The following DIP2A variants were observed in gnomAD, a reference collection of about 807,000 sequenced individuals.
The protein encoded by DIP2A is disco-interacting protein 2 homolog A.
Under a neutral mutation model 177.4 loss-of-function variants are expected in DIP2A, and 85 were observed. The ratio of observed to expected loss-of-function variants is 0.48; its 90% confidence interval spans 0.40 to 0.57. The LOEUF is 0.57. Among genes scored for constraint, DIP2A ranks in the 20% least tolerant of loss-of-function variants. The pLI is 0.00. For synonymous variants in DIP2A, 886 were observed against 881.8 expected (o/e 1.00, Z -0.08); for missense variants, 1,791 against 2,100.2 (o/e 0.85, Z 2.88).
Position 46,473,933 on chromosome 21 carries a change from CT to C in DIP2A, c.92-10823del, listed in dbSNP as rs577391626. Among the ~76,000 whole-genome samples the C allele has an allele frequency of 8.5e-5, 13 of 152,318 alleles. No individual in the cohort carries two copies. In the East Asian group the frequency reaches 2.3e-3, roughly 27 times the overall value. Reference sequence around the variant, plus strand: ...AACATTTCTGCATAATCTCTTTTGTCTCTTTCTGTCTCCCTCTTTGATTTAG... The same window carrying C: ...AACATTTCTGCATAATCTCTTTTGTCCTTTCTGTCTCCCTCTTTGATTTAG... On this transcript the variant is annotated intron_variant, in intron 1 of 37. Coordinates refer to ENST00000417564, the MANE Select transcript of DIP2A (RefSeq NM_015151.4).
intron 8 of DIP2A, among the ~76,000 whole-genome samples, chr21:46,514,628 TTTTTTTTTTTTTG>T (rs1249258147): frequency 2.1e-5 from 3 of 139,976 alleles, no homozygotes; most frequent in Non-Finnish European, 3.1e-5. Context: ...TTTTTTTTTT[TTTTTTTTTTTTTG>T]GTTTTTTTTT....
At chr21:46,473,247 A>G (rs193227955) in intron 1 of DIP2A, among the ~76,000 whole-genome samples, 83 of 152,206 alleles carry the variant, frequency 5.5e-4, no homozygotes, top group African/African-American at 1.8e-3. Context: ...ATTAAAGGCT[A>G]TGGGGCAGGA....
rs745491024 is a variant in DIP2A, at chr21:46,549,747, CCATTTCCATGT to C, written c.2523-22_2523-12del. On this transcript the variant is annotated splice_polypyrimidine_tract_variant and intron_variant, in intron 21 of 37. Coordinates refer to ENST00000417564, the MANE Select transcript of DIP2A (RefSeq NM_015151.4). Reference sequence around the variant, plus strand: ...TCTTGTTTGGCCTCTTGCCGTGTGGCCATTTCCATGTCTCATCCCGCAGGATCGCTGTGTTC... The same window carrying C: ...TCTTGTTTGGCCTCTTGCCGTGTGGCCTCATCCCGCAGGATCGCTGTGTTC... 1 of 1,612,116 alleles carries C rather than the reference CCATTTCCATGT, an allele frequency of 6.2e-7. No individual in the cohort carries two copies. Among genetic ancestry groups the C allele is most frequent in the Non-Finnish European group, 8.5e-7 (1 of 1,179,128 alleles).
chr21:46,504,431 G>A lies in DIP2A; in HGVS notation c.726G>A (p.Val242=). 6.2e-7 allele frequency: 1 copy of A among 1,613,816 alleles called. No homozygotes were observed. Among genetic ancestry groups the A allele is most frequent in the Non-Finnish European group, 8.5e-7 (1 of 1,179,832 alleles). The part of the protein sequence containing the change: ...VEHSYFERPQ[V]ASVRSVPRGC... ...ATTCGTACTTTGAGCGTCCACAGGT[G>A]GCTTCTGTGAGAAGTGTTCCTCGGG... Residue 242 remains valine, a synonymous_variant, in exon 6 of 38, where the codon GTG becomes GTA. Transcript: ENST00000417564.
chr21:46,466,771 A>C (rs2054871077), intron 1 of DIP2A, among the ~76,000 whole-genome samples: 1 of 141,130 alleles, frequency 7.1e-6, no homozygotes, highest in African/African-American at 2.6e-5. Context: ...TGTCTCTCTG[A>C]AAAAGGATTT....
At chr21:46,530,856 G>A (rs1173695519) in intron 9 of DIP2A, among the ~76,000 whole-genome samples, 1 of 152,070 alleles carries the variant, frequency 6.6e-6, no homozygotes, top group Non-Finnish European at 1.5e-5. Context: ...CAATGACAGT[G>A]GCTTTTGGGA....
chr21:46,556,924 T>C lies in DIP2A; in HGVS notation c.3499-15T>C. On this transcript the variant is annotated splice_polypyrimidine_tract_variant and intron_variant, in intron 29 of 37. Transcript: ENST00000417564. The surrounding 1 kb of genome is among the most constrained non-coding windows in gnomAD (Gnocchi z 4.5). ...CATTTCACTTTTTTTTTTTGAACTTTATTTTACTCTTAAGATGTCGCACGC... is the reference window on the plus strand; with the variant it reads ...CATTTCACTTTTTTTTTTTGAACTTCATTTTACTCTTAAGATGTCGCACGC... 1 of 1,527,050 alleles carries C rather than the reference T, an allele frequency of 6.5e-7. No individual in the cohort carries two copies. The highest frequency in any genetic ancestry group is 1.2e-5 in the South Asian group (1 of 83,480). 94.6% of individuals were successfully genotyped at this position (1,527,050 alleles called of 1,614,324 possible).
At chr21:46,499,414 C>A (rs1319728016) in intron 5 of DIP2A, among the ~76,000 whole-genome samples, 1 of 152,190 alleles carries the variant, frequency 6.6e-6, no homozygotes, top group Non-Finnish European at 1.5e-5. Flanking sequence ...CTGGCCGCCT[C>A]TCTGTTGTCT....
chr21:46,539,020 G>A (rs1017308695), intron 16 of DIP2A: 3 of 148,186 alleles, frequency 2.0e-5, no homozygotes, highest in African/African-American at 6.3e-5. Context: ...TTGCCTGGGT[G>A]TCCCCCACAT....
chr21:46,488,416 T>G (rs1455395481), intron 2 of DIP2A, among the ~76,000 whole-genome samples: 3 of 152,102 alleles, frequency 2.0e-5, no homozygotes, highest in South Asian at 2.1e-4. Flanking sequence ...TGAGAACATT[T>G]CAGAATGACT....
chr21:46,501,646 C>G (rs1376149023), intron 5 of DIP2A, among the ~76,000 whole-genome samples: 1 of 152,160 alleles, frequency 6.6e-6, no homozygotes, highest in Admixed American at 6.5e-5. Context: ...TGGGCTTGAA[C>G]TCCTGGGCTC....
At position 46,549,668 on chromosome 21, in the gene DIP2A, T is replaced by C. The variant is rs796554055; in HGVS notation, c.2523-103T>C. The C allele has an allele frequency of 3.1e-5, 47 of 1,533,580 alleles. No individual in the cohort carries two copies. The African/African-American group carries it at 6.1e-4, about 20-fold the overall frequency. 95.0% of individuals were successfully genotyped at this position (1,533,580 alleles called of 1,614,324 possible). On this transcript the variant is annotated intron_variant, in intron 21 of 37. Transcript: ENST00000417564. Reference sequence around the variant, plus strand: ...GTAGCCCCATTTGATAGACTGCATTTTAAATACTAGGACAGTCTGCCTCTT... The same window carrying C: ...GTAGCCCCATTTGATAGACTGCATTCTAAATACTAGGACAGTCTGCCTCTT...
rs753834055 is a variant in DIP2A, at chr21:46,498,675, G to A, written c.497G>A (p.Trp166Ter). Residue 166 changes from tryptophan to a stop codon, truncating the protein, a stop_gained, in exon 5 of 38, where the codon TGG becomes TAG. Transcript: ENST00000417564. LOFTEE classifies it high-confidence loss of function. The surrounding 1 kb of genome is among the most constrained non-coding windows in gnomAD (Gnocchi z 4.3). ...CAGAGCCATTCCAGCGTCGAGCCCT[G>A]GCTCGACCGGGTCATTCAGGGCTCG... ...PLQSHSSVEPWLDRVIQGSST... is the reference protein window; with the variant it reads ...PLQSHSSVEP The A allele has an allele frequency of 6.2e-7, 1 of 1,613,680 alleles. No individual in the cohort carries two copies. The highest frequency in any genetic ancestry group is 1.3e-5 in the African/African-American group (1 of 74,912).
At chr21:46,554,787 C>T in intron 27 of DIP2A, 35 bp from the exon 28 acceptor site, 2 of 486,602 alleles carry the variant, frequency 4.1e-6, no homozygotes, top group Non-Finnish European at 7.8e-6. Context: ...GCTTGAGAGG[C>T]CCCGCCCACC....
At chr21:46,465,578 G>T (rs955333445) in intron 1 of DIP2A, among the ~76,000 whole-genome samples, 2 of 152,042 alleles carry the variant, frequency 1.3e-5, no homozygotes, top group Non-Finnish European at 2.9e-5. Flanking sequence ...TGTACTGATG[G>T]TCCAAAAGCA....
At chr21:46,561,681 T>A (rs772560660) in intron 33 of DIP2A, 67 bp from the exon 34 acceptor site, 1 of 1,578,756 alleles carries the variant, frequency 6.3e-7, no homozygotes, top group Non-Finnish European at 8.7e-7. Flanking sequence ...AACGTCATGA[T>A]CTGCCCTTTC....
intron 6 of DIP2A, among the ~76,000 whole-genome samples, chr21:46,506,039 C>T (rs1362862369): frequency 2.0e-5 from 3 of 152,142 alleles, no homozygotes; most frequent in Non-Finnish European, 2.9e-5. Flanking sequence ...ATCTTGTATA[C>T]GTTTTTGCAT....
rs931922399 is a variant in DIP2A at position 46,551,689 on chromosome 21, T to C, written c.2895T>C (p.Ala965=). 22 of 1,613,896 alleles carry C rather than the reference T, an allele frequency of 1.4e-5. No homozygotes were observed. The Admixed American group carries it at 2.5e-4, about 18-fold the overall frequency. ...ACCTGGTTGCTGGGAAGAGAATCGC[T>C]CAGGCTTCCGGGAGAGAGCTCGCCC... ...VGNLVAGKRI[A]QASGRELAHL... is the part of the protein sequence containing the mutation. Residue 965 remains alanine (A), a synonymous_variant, in exon 24 of 38, where the codon GCT becomes GCC. Coordinates refer to ENST00000417564, the MANE Select transcript of DIP2A (RefSeq NM_015151.4).
the DIP2A span, among the ~76,000 whole-genome samples, chr21:46,582,495 G>GA: frequency 3.9e-5 from 6 of 152,126 alleles, no homozygotes; most frequent in South Asian, 2.1e-4. Flanking sequence ...CAGATCTGTG[G>GA]AAAAAACATG....
Sources: allele counts gnomAD v4.1 joint callset (sites outside exome capture counted in the v4.1 genomes callset), GRCh38; gene constraint gnomAD v4.1.1; non-coding constraint Gnocchi (gnomAD v3.1); transcripts MANE v1.5; gene names NCBI Gene and HGNC (gene_info 2026-07-23, HGNC 2026-07-21).